Variants in PDS5B observed in about 807,000 individuals in gnomAD.
The protein encoded by PDS5B is sister chromatid cohesion protein PDS5 homolog B.
PDS5B carries 51 observed loss-of-function variants against 184.1 expected under a neutral mutation model. The ratio of observed to expected loss-of-function variants is 0.28; its 90% CI spans 0.22 to 0.35. The LOEUF (loss-of-function observed/expected upper bound fraction) is 0.35. PDS5B is among the 10% of genes least tolerant of loss of function. The probability of loss-of-function intolerance (pLI) is 1.00; values close to 1 mark genes in which losing one functional copy is unlikely to be tolerated. For missense variants in PDS5B, 1,180 were observed against 1,723.3 expected (o/e 0.68, Z 5.58); for synonymous variants, 566 against 569.2 (o/e 0.99, Z 0.08).
At chr13:32,646,810 T>G (rs1335711461) in intron 1 of PDS5B, among the ~76,000 whole-genome samples, 1 of 152,124 alleles carries the variant, frequency 6.6e-6, no homozygotes, top group Non-Finnish European at 1.5e-5. Context: ...CACCTCTTAG[T>G]TTTCATTTGG....
chr13:32,604,437 G>T (rs1394036050), intron 1 of PDS5B, among the ~76,000 whole-genome samples: 2 of 152,184 alleles, frequency 1.3e-5, no homozygotes, highest in Non-Finnish European at 2.9e-5. Flanking sequence ...ACTTGATCAT[G>T]GTGGATAAGC....
At chr13:32,682,847 C>T (rs773898402) in intron 10 of PDS5B, among the ~76,000 whole-genome samples, 5 of 152,014 alleles carry the variant, frequency 3.3e-5, no homozygotes, top group Non-Finnish European at 7.4e-5. Flanking sequence ...TTTCAGTGTT[C>T]TTCCTGGAAA....
At position 32,694,206 on chromosome 13, in the gene PDS5B, A is replaced by G. The variant is rs1226204468; in HGVS notation, c.1470-17A>G. ...ATTCTGTTTTGTTATTTAAATGTGT[A>G]TGTTTGTGTTTTTCAGAGCATTGAA... On this transcript the variant is annotated splice_polypyrimidine_tract_variant and intron_variant, in intron 13 of 34. Coordinates refer to ENST00000315596, the MANE Select transcript of PDS5B (RefSeq NM_015032.4). The G allele has an allele frequency of 6.6e-7, 1 of 1,516,298 alleles. No homozygotes were observed. Among genetic ancestry groups the G allele is most frequent in the Non-Finnish European group, 9.1e-7 (1 of 1,096,306 alleles). 93.9% of individuals were successfully genotyped at this position (1,516,298 alleles called of 1,614,324 possible).
chr13:32,711,969 C>T (rs1212153533), intron 19 of PDS5B, among the ~76,000 whole-genome samples: 3 of 152,120 alleles, frequency 2.0e-5, no homozygotes, highest in East Asian at 3.9e-4. Context: ...TAAATGGACC[C>T]AGGTCATACA....
intron 24 of PDS5B, among the ~76,000 whole-genome samples, chr13:32,748,509 A>C (rs1420733607): frequency 6.8e-6 from 1 of 146,116 alleles, no homozygotes; most frequent in Non-Finnish European, 1.5e-5. Flanking sequence ...GGATCTGTCT[A>C]GGATCAACTT....
intron 1 of PDS5B, among the ~76,000 whole-genome samples, chr13:32,639,592 TTCTCGTAGGAAAAA>T (rs2058622673): frequency 6.6e-6 from 1 of 152,226 alleles, no homozygotes; most frequent in African/African-American, 2.4e-5. Flanking sequence ...TTAGCGTTTT[TTCTCGTAGGAAAAA>T]CTCCCATTAG....
chr13:32,634,233 T>C (rs1321864339), intron 1 of PDS5B, among the ~76,000 whole-genome samples: 2 of 152,222 alleles, frequency 1.3e-5, no homozygotes, highest in African/African-American at 4.8e-5. Context: ...AAATGACAAC[T>C]GCCTTATGTG....
Position 32,735,216 on chromosome 13 carries a change from A to C in PDS5B, c.2292A>C (p.Ile764=). The C allele has an allele frequency of 6.2e-7, 1 of 1,611,202 alleles. No homozygotes were observed. The highest frequency in any genetic ancestry group is 8.5e-7 in the Non-Finnish European group (1 of 1,178,394). The part of the protein sequence containing the change: ...SLDPSNLEHL[I]TPLVTIGHIA... ...ATCCAAGCAACCTGGAACATCTCAT[A>C]ACACCATTGGTTACTATTGGTCATA... The change falls in exon 21 of 35, where the codon ATA becomes ATC. Residue 764 remains isoleucine (I), a synonymous_variant. Coordinates refer to ENST00000315596, the MANE Select transcript of PDS5B (RefSeq NM_015032.4).
At chr13:32,598,770 CTTTTTTTT>C (rs756301581) in intron 1 of PDS5B, among the ~76,000 whole-genome samples, 2 of 126,362 alleles carry the variant, frequency 1.6e-5, no homozygotes, top group African/African-American at 2.9e-5. Flanking sequence ...TTTTTTCTCT[CTTTTTTTT>C]TTTTTTTTTT....
intron 31 of PDS5B, among the ~76,000 whole-genome samples, chr13:32,764,851 C>A (rs1287606768): frequency 6.6e-6 from 1 of 151,984 alleles, no homozygotes; most frequent in Non-Finnish European, 1.5e-5. Flanking sequence ...TACTCAACTG[C>A]TTGGTTTTTG....
chr13:32,724,554 A>G (rs182803242), intron 19 of PDS5B, among the ~76,000 whole-genome samples: 10 of 151,628 alleles, frequency 6.6e-5, no homozygotes, highest in South Asian at 4.2e-4. Flanking sequence ...TATCCCTTAG[A>G]CATAATTTGA....
intron 19 of PDS5B, among the ~76,000 whole-genome samples, chr13:32,723,439 G>C (rs1391160080): frequency 6.6e-6 from 1 of 152,094 alleles, no homozygotes; most frequent in African/African-American, 2.4e-5. Flanking sequence ...CTTGAAGGTA[G>C]AAAGTCAATT....
chr13:32,616,909 G>A (rs1184824949), intron 1 of PDS5B, among the ~76,000 whole-genome samples: 1 of 152,136 alleles, frequency 6.6e-6, no homozygotes, highest in Non-Finnish European at 1.5e-5. Context: ...TTCTTTTCCT[G>A]ATTTTCTCTA....
chr13:32,772,031 G>A (rs1208649240), intron 33 of PDS5B, among the ~76,000 whole-genome samples: 1 of 151,816 alleles, frequency 6.6e-6, no homozygotes, highest in Non-Finnish European at 1.5e-5. Context: ...TCTTTCTAGA[G>A]CTAGTATACT....
At chr13:32,667,308 A>T (rs1950824022) in intron 6 of PDS5B, among the ~76,000 whole-genome samples, 1 of 152,104 alleles carries the variant, frequency 6.6e-6, no homozygotes, top group South Asian at 2.1e-4. Flanking sequence ...GTGTTTGAGT[A>T]ATCTGCTTTT....
chr13:32,758,261 T>A, intron 27 of PDS5B, 42 bp downstream of exon 27: 1 of 1,414,632 alleles, frequency 7.1e-7, no homozygotes, highest in African/African-American at 1.5e-5. Flanking sequence ...CATATTGATT[T>A]AAAAATTTAG....
At chr13:32,670,310 A>C (rs1412633196) in intron 7 of PDS5B, among the ~76,000 whole-genome samples, 2 of 152,094 alleles carry the variant, frequency 1.3e-5, no homozygotes, top group African/African-American at 2.4e-5. Context: ...TCTGCCTCTG[A>C]GGCTCAAGTG....
intron 1 of PDS5B, among the ~76,000 whole-genome samples, chr13:32,605,619 G>A (rs951934787): frequency 6.6e-6 from 1 of 152,128 alleles, no homozygotes; most frequent in African/African-American, 2.4e-5. Context: ...TCAAGTCCTG[G>A]ATATCCTTGT....
intron 1 of PDS5B, among the ~76,000 whole-genome samples, chr13:32,623,694 T>C (rs2058332565): frequency 6.6e-6 from 1 of 152,148 alleles, no homozygotes; most frequent in Non-Finnish European, 1.5e-5. Context: ...ATTTTTCCCT[T>C]TTCTTTGCTT....
Sources: gnomAD v4.1 joint callset for allele counts (sites outside exome capture counted in the v4.1 genomes callset) on GRCh38, gnomAD v4.1.1 for gene constraint, MANE v1.5 for transcripts, NCBI Gene and HGNC (gene_info 2026-07-23, HGNC 2026-07-21) for gene names.